Variants in ANO8 observed in about 807,000 individuals in gnomAD.
The protein encoded by ANO8 is anoctamin 8, also known as anoctamin-8.
Under a neutral mutation model 120.4 loss-of-function variants are expected in ANO8, and 67 were observed. The ratio of observed to expected loss-of-function variants is 0.56; its 90% CI spans 0.46 to 0.68. The LOEUF is 0.68. ANO8 is among the 30% of genes least tolerant of loss of function. The pLI is 0.00. For missense variants in ANO8, 1,526 were observed against 1,737.6 expected, an observed-to-expected ratio of 0.88 and a Z score of 2.16; for synonymous variants, 727 against 759.2, an observed-to-expected ratio of 0.96 and a Z score of 0.70.
rs1462416589 is a variant in ANO8 at position 17,329,826 on chromosome 19, C to A, written c.1335G>T (p.Gln445His). The change falls in exon 12 of 18, where the codon CAG becomes CAT. Residue 445 changes from glutamine to histidine, a missense_variant. Gln to His is a conservative substitution (Grantham distance 24). Coordinates refer to ENST00000159087, the MANE Select transcript of ANO8 (RefSeq NM_020959.3). ...KHLIIKVVLFQFVNSYLSLFY... is the reference protein window; with the variant it reads ...KHLIIKVVLFHFVNSYLSLFY... The stretch of plus-strand genomic sequence containing the variant: ...AGAGGCTCAGGTACGAGTTGACAAA[C>A]TGGAACTGCAGGAAGGAGGCAGGCG... The A allele has an allele frequency of 2.5e-6, 4 of 1,613,946 alleles. No homozygotes were observed. The highest frequency in any genetic ancestry group is 3.4e-6 in the Non-Finnish European group (4 of 1,179,962).
rs760757693 is a variant in ANO8 at position 17,325,820 on chromosome 19, C to T, written c.2662-434G>A. On this transcript the variant is annotated intron_variant, in intron 16 of 17. Transcript: ENST00000159087. ...GCACACGCCTGTAATTCCAGCTACT[C>T]GGAAGGCTGAGGCAGGAGAATCGCT... Among the ~76,000 whole-genome samples the T allele has an allele frequency of 4.6e-5, 7 of 152,160 alleles. No homozygotes were observed. In the East Asian group the frequency reaches 9.6e-4, roughly 21 times the overall value.
At chr19:17,326,545 G>A (rs1252180606) in intron 16 of ANO8, among the ~76,000 whole-genome samples, 1 of 152,044 alleles carries the variant, frequency 6.6e-6, no homozygotes, top group Non-Finnish European at 1.5e-5. Flanking sequence ...AAGGACTATG[G>A]CTGCAGCAGA....
chr19:17,327,966 A>C, intron 13 of ANO8, 86 bp from the exon 14 acceptor site: 1 of 1,531,180 alleles, frequency 6.5e-7, no homozygotes, highest in Non-Finnish European at 8.8e-7. Context: ...AGATTATCCC[A>C]TGTGGACCCA....
rs918147171 is a variant in ANO8 at position 17,333,239 on chromosome 19, G to T, written c.351C>A (p.Ser117Arg). ...YAFFVTATYE[S>R]LLRGADELGL... Reference sequence around the variant, plus strand: ...CCAGCTCGTCGGCCCCTCGGAGTAGGCTGTGAAGAAGGCGGAGGAGGTGGG... The same window carrying T: ...CCAGCTCGTCGGCCCCTCGGAGTAGTCTGTGAAGAAGGCGGAGGAGGTGGG... Residue 117 changes from serine (S) to arginine (R), a missense_variant and splice_region_variant, in exon 4 of 18, where the codon AGC becomes AGA. Coordinates refer to ENST00000159087, the MANE Select transcript of ANO8 (RefSeq NM_020959.3). The surrounding 1 kb of genome is among the most constrained non-coding windows in gnomAD (Gnocchi z 7.2). 15 of 1,608,678 alleles carry T rather than the reference G, an allele frequency of 9.3e-6. No homozygotes were observed. Among genetic ancestry groups the T allele is most frequent in the Non-Finnish European group, 1.3e-5 (15 of 1,176,628 alleles).
intron 6 of ANO8, 24 bp downstream of exon 6, chr19:17,331,271 C>T (rs2074316202): frequency 1.9e-6 from 3 of 1,614,156 alleles, no homozygotes; most frequent in Non-Finnish European, 2.5e-6. Context: ...GGGACTCCCT[C>T]CCACCCCCCA....
Position 17,327,433 on chromosome 19 carries a change from C to G in ANO8, c.2550+5G>C. 6.2e-7 allele frequency: 1 copy of G among 1,604,304 alleles called. No homozygotes were observed. Among genetic ancestry groups the G allele is most frequent in the South Asian group, 1.1e-5 (1 of 90,132 alleles). On this transcript the variant is annotated splice_donor_5th_base_variant and intron_variant, in intron 15 of 17. Transcript: ENST00000159087. ...AGCTGCCCCCGCCCCTGTCGCCGGC[C>G]CCACCTCGAGCACTACCACCGACAC...
intron 16 of ANO8, among the ~76,000 whole-genome samples, chr19:17,326,872 G>A (rs898750239): frequency 1.3e-5 from 2 of 152,192 alleles, no homozygotes; most frequent in Admixed American, 6.5e-5. Flanking sequence ...GGCCAGCCTC[G>A]TGCTGGATGC....
In ANO8 at chr19:17,333,824, G is replaced by T; in HGVS notation, c.107-24C>A. 6.4e-7 allele frequency: 1 copy of T among 1,550,728 alleles called. No individual in the cohort carries two copies. Among genetic ancestry groups the T allele is most frequent in the Non-Finnish European group, 8.7e-7 (1 of 1,144,616 alleles). On this transcript the variant is annotated intron_variant, in intron 1 of 17. Coordinates refer to ENST00000159087, the MANE Select transcript of ANO8 (RefSeq NM_020959.3). The surrounding 1 kb of genome is among the most constrained non-coding windows in gnomAD (Gnocchi z 7.2). ...ATCTAGGGGGCGGCGTAGCAGGCCCGGGTCAGGCCACTCTGGGATCCGGAC... is the reference window on the plus strand; with the variant it reads ...ATCTAGGGGGCGGCGTAGCAGGCCCTGGTCAGGCCACTCTGGGATCCGGAC...
rs3745190 is a variant in ANO8 at position 17,328,129 on chromosome 19, C to T, written c.2226+33G>A. 411 of 1,502,308 alleles carry T rather than the reference C, an allele frequency of 2.7e-4. 1 individual carries two copies. The East Asian group carries it at 9.5e-3, about 35-fold the overall frequency. The allele number at this position is 1,502,308 out of a possible 1,614,324, so 93.1% of individuals were successfully genotyped here. ...CGGTGTGTCCCGTCCCCGGCGAGGC[C>T]CCGCCCCCTGCGAGGCCCCGCCCCC... On this transcript the variant is annotated intron_variant, in intron 13 of 17. Coordinates refer to ENST00000159087, the MANE Select transcript of ANO8 (RefSeq NM_020959.3).
Position 17,333,369 on chromosome 19 carries a change from G to A in ANO8, c.350+53C>T, listed in dbSNP as rs2074334199. ...TGGATAGCATGGTTGGCACTTGGTA[G>A]AGCGGGGAGTCGGGTGGCAGGCTCA... On this transcript the variant is annotated intron_variant, in intron 3 of 17. Transcript: ENST00000159087. The surrounding 1 kb of genome is among the most constrained non-coding windows in gnomAD (Gnocchi z 7.2). 4.3e-6 allele frequency: 7 copies of A among 1,612,386 alleles called. No individual in the cohort carries two copies. The highest frequency in any genetic ancestry group is 1.1e-5 in the South Asian group (1 of 91,032).
Position 17,328,490 on chromosome 19 carries a change from G to C in ANO8, c.1898C>G (p.Pro633Arg). ...GCTCCCTTCCTCCAGGAGGGCCTCCGGGCTTGGGCCGGGCCGACGCCGCCC... is the reference window on the plus strand; with the variant it reads ...GCTCCCTTCCTCCAGGAGGGCCTCCCGGCTTGGGCCGGGCCGACGCCGCCC... ...GAGRRRPGPS[P>R]EALLEEGSPT... The change falls in exon 13 of 18, where the codon CCG becomes CGG. Residue 633 changes from proline (P) to arginine (R), a missense_variant. Around this residue, in one of 8 missense-constraint regions of ANO8, gnomAD observed 467 missense variants for 425.8 expected, o/e 1.10. Coordinates refer to ENST00000159087, the MANE Select transcript of ANO8 (RefSeq NM_020959.3). The C allele has an allele frequency of 6.4e-7, 1 of 1,560,068 alleles. No individual in the cohort carries two copies. The highest frequency in any genetic ancestry group is 8.7e-7 in the Non-Finnish European group (1 of 1,155,886).
chr19:17,330,028 G>C lies in ANO8; in HGVS notation c.1274-14C>G, dbSNP rs372708722. On this transcript the variant is annotated splice_polypyrimidine_tract_variant and intron_variant, in intron 10 of 17. Coordinates refer to ENST00000159087, the MANE Select transcript of ANO8 (RefSeq NM_020959.3). ...GCCGGTAATTTTCTAGGGGCCAAGG[G>C]GGGGAGTGAGGGGGCAGCCGCGGTC... 20 of 1,613,788 alleles carry C rather than the reference G, an allele frequency of 1.2e-5. No individual in the cohort carries two copies. Among genetic ancestry groups the C allele is most frequent in the East Asian group, 8.9e-5 (4 of 44,866 alleles).
At chr19:17,330,087 G>A (rs1283115722) in intron 10 of ANO8, 38 bp downstream of exon 10, 1 of 1,613,010 alleles carries the variant, frequency 6.2e-7, no homozygotes, top group Non-Finnish European at 8.5e-7. Context: ...AAGGGGCAGT[G>A]GAGACCTTCC....
In ANO8 at chr19:17,323,797, C is replaced by G. The variant is rs1191023114; in HGVS notation, c.3419G>C (p.Arg1140Pro). Residue 1140 changes from arginine to proline, a missense_variant, in exon 18 of 18, where the codon CGG becomes CCG. By Grantham distance (103) the Arg-to-Pro change is moderately radical (BLOSUM62 -2). This residue lies in a region of ANO8 where 489 missense variants were observed against 548.6 expected (regional missense o/e 0.89). Transcript: ENST00000159087. Reference protein sequence around the residue: ...PAPPPPMPLPRPPTPPAGCWQ... With the variant: ...PAPPPPMPLPPPPTPPAGCWQ... ...GCAGCCTGCGGGCGGTGTCGGGGGC[C>G]GGGGCAGCGGCATTGGCGGCGGCGG... 1 of 1,153,820 alleles carries G rather than the reference C, an allele frequency of 8.7e-7. No individual in the cohort carries two copies. The highest frequency in any genetic ancestry group is 4.2e-5 in the South Asian group (1 of 23,694). The allele number at this position is 1,153,820 out of a possible 1,614,324, so 71.5% of individuals were successfully genotyped here.
At chr19:17,327,401 GC>G in intron 15 of ANO8, 36 bp downstream of exon 15, 1 of 1,566,730 alleles carries the variant, frequency 6.4e-7, no homozygotes, top group Non-Finnish European at 8.7e-7. Context: ...CCGCCCTCTC[GC>G]CTCCCAGCTG....
intron 12 of ANO8, 70 bp downstream of exon 12, chr19:17,329,687 T>G: frequency 1.6e-6 from 2 of 1,278,616 alleles, no homozygotes; most frequent in Non-Finnish European, 2.2e-6. Context: ...TTGGACCCCT[T>G]GTGCCGGGTC....
chr19:17,323,444 T>C lies in ANO8; in HGVS notation c.*73A>G. 7.8e-7 allele frequency: 1 copy of C among 1,276,616 alleles called. No individual in the cohort carries two copies. Among genetic ancestry groups the C allele is most frequent in the Admixed American group, 3.1e-5 (1 of 32,194 alleles). 79.1% of individuals were successfully genotyped at this position (1,276,616 alleles called of 1,614,324 possible). A position where few individuals can be genotyped will look rare whatever the true frequency, so the allele number is the denominator to read the frequency against. ...GGCCCTCGGGGGCTGAAGCGCATTT[T>C]GCATTTTGGAGACCGGCCGCCCCTG... On this transcript the variant is annotated 3_prime_UTR_variant, in exon 18 of 18. Transcript: ENST00000159087.
chr19:17,333,220 C>G lies in ANO8; in HGVS notation c.370G>C (p.Glu124Gln), dbSNP rs1307854787. Residue 124 changes from glutamate (E) to glutamine (Q), a missense_variant, in exon 4 of 18, where the codon GAG (glutamate) becomes CAG (glutamine). Coordinates refer to ENST00000159087, the MANE Select transcript of ANO8 (RefSeq NM_020959.3). The surrounding 1 kb of genome is among the most constrained non-coding windows in gnomAD (Gnocchi z 7.2). ...TTCACTGCTTTGCGCAGACCCAGCTCGTCGGCCCCTCGGAGTAGGCTGTGA... is the reference window on the plus strand; with the variant it reads ...TTCACTGCTTTGCGCAGACCCAGCTGGTCGGCCCCTCGGAGTAGGCTGTGA... ...TYESLLRGADELGLRKAVKAE... is the reference protein window; with the variant it reads ...TYESLLRGADQLGLRKAVKAE... 1.2e-6 allele frequency: 2 copies of G among 1,609,994 alleles called. No individual in the cohort carries two copies. The highest frequency in any genetic ancestry group is 1.3e-5 in the African/African-American group (1 of 74,866).
chr19:17,325,287 C>G lies in ANO8; in HGVS notation c.2761G>C (p.Glu921Gln), dbSNP rs1354648020. ...QRHAEHHARR[E>Q]HDSGGREEAR... is the part of the protein sequence containing the mutation. The stretch of plus-strand genomic sequence containing the variant: ...TCCTCTCGGCCACCAGAATCATGCT[C>G]CCGCCGGGCATGGTGCTCTGCATGG... The change falls in exon 17 of 18, where the codon GAG becomes CAG. Residue 921 changes from glutamate to glutamine, a missense_variant. Physicochemically the swap from Glu to Gln is conservative, Grantham distance 29. Around this residue, in one of 8 missense-constraint regions of ANO8, gnomAD observed 489 missense variants for 548.6 expected, o/e 0.89. Coordinates refer to ENST00000159087, the MANE Select transcript of ANO8 (RefSeq NM_020959.3). 1 of 1,607,252 alleles carries G rather than the reference C, an allele frequency of 6.2e-7. No homozygotes were observed. Among genetic ancestry groups the G allele is most frequent in the Non-Finnish European group, 8.5e-7 (1 of 1,179,862 alleles).
Sources: gnomAD v4.1 joint callset for allele counts (sites outside exome capture counted in the v4.1 genomes callset) on GRCh38, gnomAD v4.1.1 for gene constraint, gnomAD v4.1.1 regional missense constraint, Gnocchi (gnomAD v3.1) non-coding constraint, MANE v1.5 for transcripts, NCBI Gene and HGNC (gene_info 2026-07-23, HGNC 2026-07-21) for gene names.